Variants in C1orf116 observed in about 807,000 individuals in gnomAD.
C1orf116 encodes the protein chromosome 1 open reading frame 116.
Under a neutral mutation model 14.1 loss-of-function variants are expected in C1orf116, and 12 were observed. That is an observed-to-expected ratio of 0.85 (90% CI 0.54 to 1.38). The LOEUF (loss-of-function observed/expected upper bound fraction) is 1.38. Among genes scored for constraint, C1orf116 ranks in the 40% most tolerant of loss-of-function variants. The probability of loss-of-function intolerance (pLI) is 0.00; values close to 1 mark genes in which losing one functional copy is unlikely to be tolerated. For missense variants in C1orf116, 797 were observed against 747.0 expected (o/e 1.07, Z -0.78); for synonymous variants, 296 against 299.0 (o/e 0.99, Z 0.10).
Position 207,020,132 on chromosome 1 carries a change from A to C in C1orf116, c.*1826T>G, listed in dbSNP as rs1681791911. Reference sequence around the variant, plus strand: ...TCTTTCTGGGGGTGTATAATAAGACATAACTTGGCCGGTTGTGGGAGTCCT... The same window carrying C: ...TCTTTCTGGGGGTGTATAATAAGACCTAACTTGGCCGGTTGTGGGAGTCCT... On this transcript the variant is annotated 3_prime_UTR_variant, in exon 4 of 4. Coordinates refer to ENST00000359470, the MANE Select transcript of C1orf116 (RefSeq NM_023938.6). 2.0e-5 allele frequency: 3 copies of C among 152,196 alleles called. No homozygotes were observed. Among genetic ancestry groups the C allele is most frequent in the Admixed American group, 1.3e-4 (2 of 15,286 alleles). 9.4% of individuals were successfully genotyped at this position (152,196 alleles called of 1,614,324 possible). A position where few individuals can be genotyped will look rare whatever the true frequency, so the allele number is the denominator to read the frequency against.
chr1:207,024,925 C>A lies in C1orf116; in HGVS notation c.245G>T (p.Gly82Val). 1 of 1,614,072 alleles carries A rather than the reference C, an allele frequency of 6.2e-7. No individual in the cohort carries two copies. The highest frequency in any genetic ancestry group is 1.3e-5 in the African/African-American group (1 of 74,990). The change falls in exon 3 of 4, where the codon GGT becomes GTT. Residue 82 changes from glycine (G) to valine (V), a missense_variant. Coordinates refer to ENST00000359470, the MANE Select transcript of C1orf116 (RefSeq NM_023938.6). ...TTGGGTTATGGGCAGTGCTCGGAAACCTCTGGGAGTTGTGGCTGGCTCAGA... is the reference window on the plus strand; with the variant it reads ...TTGGGTTATGGGCAGTGCTCGGAAAACTCTGGGAGTTGTGGCTGGCTCAGA... Reference protein sequence around the residue: ...DESEPATTPRGFRALPITQPT... With the variant: ...DESEPATTPRVFRALPITQPT...
At position 207,022,428 on chromosome 1, in the gene C1orf116, G is replaced by A; in HGVS notation, c.1336C>T (p.Pro446Ser). 6.2e-7 allele frequency: 1 copy of A among 1,614,218 alleles called. No homozygotes were observed. Among genetic ancestry groups the A allele is most frequent in the Non-Finnish European group, 8.5e-7 (1 of 1,180,040 alleles). ...GCACTGTTTGCCCTTGGGGCCTTAG[G>A]GATAGAAATTGGCATAGATTTGCTA... ...AASKSMPISI[P>S]KAPRANSALT... Residue 446 changes from proline to serine, a missense_variant, in exon 4 of 4, where the codon CCT (proline) becomes TCT (serine). Coordinates refer to ENST00000359470, the MANE Select transcript of C1orf116 (RefSeq NM_023938.6).
Position 207,022,286 on chromosome 1 carries a change from C to T in C1orf116, c.1478G>A (p.Ser493Asn). ...TLERSGVGLS[S>N]YLSTEKDASP... ...GGCATCTTTCTCAGTTGAAAGGTAG[C>T]TGCTCAGTCCCACGCCTGAGCGCTC... Residue 493 changes from serine to asparagine, a missense_variant, in exon 4 of 4, where the codon AGC becomes AAC. Transcript: ENST00000359470. 6.2e-7 allele frequency: 1 copy of T among 1,613,732 alleles called. No individual in the cohort carries two copies. Among genetic ancestry groups the T allele is most frequent in the Non-Finnish European group, 8.5e-7 (1 of 1,179,828 alleles).
At position 207,021,822 on chromosome 1, in the gene C1orf116, T is replaced by C; in HGVS notation, c.*136A>G. 1.2e-6 allele frequency: 1 copy of C among 838,856 alleles called. No homozygotes were observed. The highest frequency in any genetic ancestry group is 2.6e-5 in the East Asian group (1 of 38,244). The allele number at this position is 838,856 out of a possible 1,614,324, so 52.0% of individuals were successfully genotyped here. On this transcript the variant is annotated 3_prime_UTR_variant, in exon 4 of 4. Coordinates refer to ENST00000359470, the MANE Select transcript of C1orf116 (RefSeq NM_023938.6). The stretch of plus-strand genomic sequence containing the variant: ...GGGAACTCAATGGCACAACACTGAA[T>C]ATAAATGTATGCTTGGACTCAAATC...
At position 207,022,006 on chromosome 1, in the gene C1orf116, A is replaced by T. The variant is rs374863194; in HGVS notation, c.1758T>A (p.Asn586Lys). 1.9e-6 allele frequency: 3 copies of T among 1,558,142 alleles called. No individual in the cohort carries two copies. In the South Asian group the frequency reaches 3.8e-5, roughly 20 times the overall value. ...TCTTCAGGGCCTCCCTTCTGTGTTC[A>T]TTGGGGACACCCTTTGGGGAGATCT... ...SVKISPKGVPNEHRREALKKL... is the reference protein window; with the variant it reads ...SVKISPKGVPKEHRREALKKL... Residue 586 changes from asparagine to lysine, a missense_variant, in exon 4 of 4, where the codon AAT (asparagine) becomes AAA (lysine). Physicochemically the swap from Asn to Lys is moderately conservative, Grantham distance 94. Transcript: ENST00000359470.
At chr1:207,023,614 C>T (rs2102299297) in intron 3 of C1orf116, 134 bp from the exon 4 acceptor site, 2 of 1,316,372 alleles carry the variant, frequency 1.5e-6, no homozygotes, top group East Asian at 5.3e-5. Flanking sequence ...TTTTATTTTG[C>T]CTTGTTTTCT....
chr1:207,022,927 G>A lies in C1orf116; in HGVS notation c.837C>T (p.Pro279=). The A allele has an allele frequency of 6.2e-7, 1 of 1,614,110 alleles. No homozygotes were observed. The highest frequency in any genetic ancestry group is 2.2e-5 in the East Asian group (1 of 44,884). Residue 279 remains proline (P), a synonymous_variant, in exon 4 of 4, where the codon CCC becomes CCT. Transcript: ENST00000359470. ...LPQNARAEDA[P]LSSGEDPNSR... is the part of the protein sequence containing the mutation. ...TGTTTGGGTCCTCCCCTGATGAGAG[G>A]GGAGCATCTTCAGCTCTTGCATTCT...
rs1341140991 is a variant in C1orf116, at chr1:207,020,729, G to A, written c.*1229C>T. 2.0e-5 allele frequency: 3 copies of A among 152,214 alleles called. No homozygotes were observed. Among genetic ancestry groups the A allele is most frequent in the Non-Finnish European group, 4.4e-5 (3 of 68,040 alleles). The allele number at this position is 152,214 out of a possible 1,614,324, so 9.4% of individuals were successfully genotyped here. On this transcript the variant is annotated 3_prime_UTR_variant, in exon 4 of 4. Coordinates refer to ENST00000359470, the MANE Select transcript of C1orf116 (RefSeq NM_023938.6). ...ACAATATTTAATCTCTGATGCTTCA[G>A]AAGGCACTTTGAGATCTTGAAGGGC... is the stretch of plus-strand genomic sequence containing the variant.
At chr1:207,023,903 A>G (rs188442470) in intron 3 of C1orf116, among the ~76,000 whole-genome samples, 1 of 152,182 alleles carries the variant, frequency 6.6e-6, no homozygotes, top group Admixed American at 6.5e-5. Flanking sequence ...TAAGTTATTG[A>G]CTTGACCTCT....
At chr1:207,028,949 C>T (rs1682164160) in intron 1 of C1orf116, among the ~76,000 whole-genome samples, 2 of 152,234 alleles carry the variant, frequency 1.3e-5, no homozygotes, top group Non-Finnish European at 2.9e-5. Context: ...TTCCAACCCT[C>T]CCAACACTAG....
rs146846282 is a variant in C1orf116 at position 207,022,184 on chromosome 1, C to T, written c.1580G>A (p.Arg527Gln). The T allele has an allele frequency of 1.0e-3, 1,622 of 1,613,682 alleles. 4 individuals are homozygous for T. The highest frequency in any genetic ancestry group is 2.2e-3 in the African/African-American group (165 of 75,040). The change falls in exon 4 of 4, where the codon CGG becomes CAG. Residue 527 changes from arginine (R) to glutamine (Q), a missense_variant. Transcript: ENST00000359470. ...KISPSVLRNS[R>Q]PRPASLGTGK... is the part of the protein sequence containing the mutation. The stretch of plus-strand genomic sequence containing the variant: ...CGTGCCCAGGGAGGCCGGGCGGGGC[C>T]GAGAATTACGTAAGACACTGGGCGA...
intron 1 of C1orf116, among the ~76,000 whole-genome samples, chr1:207,031,130 T>C (rs2629681): frequency 0.11 from 17,083 of 152,214 alleles, 3,138 homozygotes; most frequent in African/African-American, 0.38. Context: ...TCAATCCAGG[T>C]GTCTTTGCTT....
At chr1:207,028,810 A>C (rs1025183547) in intron 1 of C1orf116, among the ~76,000 whole-genome samples, 15 of 152,242 alleles carry the variant, frequency 9.9e-5, no homozygotes, top group African/African-American at 3.6e-4. Context: ...GAAATTCTAA[A>C]AGAATTAAGA....
chr1:207,022,175 G>A lies in C1orf116; in HGVS notation c.1589C>T (p.Pro530Leu), dbSNP rs114867640. The stretch of plus-strand genomic sequence containing the variant: ...ATCTTTCCCCGTGCCCAGGGAGGCC[G>A]GGCGGGGCCGAGAATTACGTAAGAC... ...PSVLRNSRPR[P>L]ASLGTGKDFA... Residue 530 changes from proline (P) to leucine (L), a missense_variant, in exon 4 of 4, where the codon CCG becomes CTG. By Grantham distance (98) the Pro-to-Leu change is moderately conservative. Coordinates refer to ENST00000359470, the MANE Select transcript of C1orf116 (RefSeq NM_023938.6). 1.1e-3 allele frequency: 1,743 copies of A among 1,613,530 alleles called. 13 individuals are homozygous for A. In the African/African-American group the frequency reaches 0.015, roughly 14 times the overall value.
At chr1:207,030,373 C>G (rs1682209557) in intron 1 of C1orf116, among the ~76,000 whole-genome samples, 1 of 152,114 alleles carries the variant, frequency 6.6e-6, no homozygotes, top group Admixed American at 6.5e-5. Flanking sequence ...CCACCCCTGA[C>G]TAAAATACTA....
At chr1:207,024,489 C>T (rs1445059422) in intron 3 of C1orf116, among the ~76,000 whole-genome samples, 5 of 152,230 alleles carry the variant, frequency 3.3e-5, no homozygotes, top group Non-Finnish European at 7.3e-5. Flanking sequence ...TTCTCCTTAT[C>T]TCTCCTACCC....
rs1681914537 is a variant in C1orf116, at chr1:207,022,566, AGGCCTGG to A, written c.1191_1197del (p.Ala399GlnfsTer27). 1 of 1,613,578 alleles carries A rather than the reference AGGCCTGG, an allele frequency of 6.2e-7. No individual in the cohort carries two copies. Among genetic ancestry groups the A allele is most frequent in the Non-Finnish European group, 8.5e-7 (1 of 1,179,664 alleles). ...TTCCCAGCAGCAGGAATAGCTGCTG[AGGCCTGG>A]GCTGGAGCTGCAGGCTGAGCCAGAC... is the stretch of plus-strand genomic sequence containing the variant. On this transcript the variant is annotated frameshift_variant, in exon 4 of 4. Coordinates refer to ENST00000359470, the MANE Select transcript of C1orf116 (RefSeq NM_023938.6). LOFTEE classifies it low-confidence loss of function (END_TRUNC).
Position 207,021,887 on chromosome 1 carries a change from G to A in C1orf116, c.*71C>T. 2 of 1,438,312 alleles carry A rather than the reference G, an allele frequency of 1.4e-6. No homozygotes were observed. The highest frequency in any genetic ancestry group is 1.6e-5 in the South Asian group (1 of 61,178). 89.1% of individuals were successfully genotyped at this position (1,438,312 alleles called of 1,614,324 possible). On this transcript the variant is annotated 3_prime_UTR_variant, in exon 4 of 4. Coordinates refer to ENST00000359470, the MANE Select transcript of C1orf116 (RefSeq NM_023938.6). Reference sequence around the variant, plus strand: ...ATCTTGAGCCCTGAGTTGCGTGGTGGCAAAGGCTCCCAAGTGGAGCATGTG... The same window carrying A: ...ATCTTGAGCCCTGAGTTGCGTGGTGACAAAGGCTCCCAAGTGGAGCATGTG...
In C1orf116 at chr1:207,024,989, G is replaced by A. The variant is rs1414624997; in HGVS notation, c.181C>T (p.Leu61=). ...LLFLEETIGS[L]DTEADSGLST... is the part of the protein sequence containing the mutation. ...AGTCCGCTGTCAGCCTCCGTGTCCA[G>A]TGAGCCAATGGTCTCCTCCAGGAAG... The change falls in exon 3 of 4, where the codon CTG becomes TTG. Residue 61 remains leucine (L), a synonymous_variant. Coordinates refer to ENST00000359470, the MANE Select transcript of C1orf116 (RefSeq NM_023938.6). The A allele has an allele frequency of 1.4e-5, 22 of 1,613,012 alleles. No homozygotes were observed. Among genetic ancestry groups the A allele is most frequent in the Non-Finnish European group, 1.9e-5 (22 of 1,179,510 alleles).
Sources: gnomAD v4.1 joint callset for allele counts (sites outside exome capture counted in the v4.1 genomes callset) on GRCh38, gnomAD v4.1.1 for gene constraint, MANE v1.5 for transcripts, NCBI Gene and HGNC (gene_info 2026-07-23, HGNC 2026-07-21) for gene names.